The following FKBP5 variants were observed in gnomAD, a reference collection of about 807,000 sequenced individuals.
The protein encoded by FKBP5 is FKBP prolyl isomerase 5.
FKBP5 carries 23 observed loss-of-function variants against 50.5 expected under a neutral mutation model. The ratio of observed to expected loss-of-function variants is 0.46; its 90% CI spans 0.33 to 0.65. FKBP5 has a LOEUF of 0.65. Ranked by LOEUF, FKBP5 falls within the 30% of genes least tolerant of loss-of-function variation. The probability of loss-of-function intolerance (pLI) is 0.02; values close to 1 mark genes in which losing one functional copy is unlikely to be tolerated. For synonymous variants in FKBP5, 176 were observed against 190.6 expected (o/e 0.92, Z 0.63); for missense variants, 411 against 553.1 (o/e 0.74, Z 2.58).
chr6:35,691,015 T>G (rs184238108), upstream of FKBP5, among the ~76,000 whole-genome samples: 1 of 150,124 alleles, frequency 6.7e-6, no homozygotes, highest in Admixed American at 6.7e-5. Context: ...TCAAAAAAAA[T>G]AATAATAAAT....
chr6:35,649,168 G>A (rs1299141898), intron 1 of FKBP5, among the ~76,000 whole-genome samples: 2 of 148,706 alleles, frequency 1.3e-5, no homozygotes, highest in East Asian at 2.0e-4. Flanking sequence ...GAAGAATGGC[G>A]TGAACCCGGG....
At chr6:35,645,647 T>C (rs768438543) in intron 1 of FKBP5, among the ~76,000 whole-genome samples, 36 of 152,228 alleles carry the variant, frequency 2.4e-4, no homozygotes, top group African/African-American at 6.3e-4. Context: ...TATAGTATTA[T>C]GGTTTTATGC....
chr6:35,683,629 C>T (rs1765742281), intron 1 of FKBP5, among the ~76,000 whole-genome samples: 1 of 134,376 alleles, frequency 7.4e-6, no homozygotes, highest in African/African-American at 2.7e-5. Context: ...CCATGACTGG[C>T]TAATTTTTTT....
chr6:35,622,576 G>A (rs1763879048), intron 3 of FKBP5, among the ~76,000 whole-genome samples: 1 of 151,862 alleles, frequency 6.6e-6, no homozygotes, highest in Non-Finnish European at 1.5e-5. Flanking sequence ...GAGATGGAAA[G>A]TGAAAGCTGA....
intron 5 of FKBP5, among the ~76,000 whole-genome samples, chr6:35,609,382 CA>C (rs993506014): frequency 1.3e-5 from 2 of 152,116 alleles, no homozygotes; most frequent in African/African-American, 4.8e-5. Flanking sequence ...AGACAATGAT[CA>C]AAAGCATTGT....
chr6:35,646,849 A>G (rs933454731), intron 1 of FKBP5, among the ~76,000 whole-genome samples: 6 of 152,322 alleles, frequency 3.9e-5, no homozygotes, highest in Admixed American at 3.9e-4. Context: ...GTCAGCAAAC[A>G]CCTGAGACAT....
At chr6:35,585,962 T>G in intron 8 of FKBP5, 2 of 984,586 alleles carry the variant, frequency 2.0e-6, no homozygotes, top group Non-Finnish European at 2.4e-6. Flanking sequence ...GGTTGTAACT[T>G]AATAATAGCA....
chr6:35,637,576 G>A (rs1764353755), intron 2 of FKBP5, among the ~76,000 whole-genome samples: 1 of 147,426 alleles, frequency 6.8e-6, no homozygotes. Flanking sequence ...CAATTCTCCT[G>A]CCTCAGCCTC....
chr6:35,634,393 ACTG>A (rs1764248348), intron 3 of FKBP5, among the ~76,000 whole-genome samples: 1 of 152,218 alleles, frequency 6.6e-6, no homozygotes, highest in Admixed American at 6.5e-5. Context: ...TTTGATTTTT[ACTG>A]CTATCTTATT....
chr6:35,670,798 G>T (rs1215525050), intron 1 of FKBP5, among the ~76,000 whole-genome samples: 2 of 151,586 alleles, frequency 1.3e-5, no homozygotes, highest in Non-Finnish European at 2.9e-5. Flanking sequence ...GTCATTAGCT[G>T]CAGAGTAGAC....
intron 5 of FKBP5, among the ~76,000 whole-genome samples, chr6:35,615,322 G>T (rs1309468925): frequency 1.3e-5 from 2 of 152,048 alleles, no homozygotes; most frequent in African/African-American, 4.8e-5. Context: ...CTCAGATCTT[G>T]GTTTCTAAAT....
chr6:35,600,308 C>T (rs1033759374), intron 5 of FKBP5, among the ~76,000 whole-genome samples: 2 of 151,954 alleles, frequency 1.3e-5, no homozygotes, highest in Admixed American at 1.3e-4. Flanking sequence ...GTCCCAGCTA[C>T]TCGAGAGGCT....
intron 1 of FKBP5, among the ~76,000 whole-genome samples, chr6:35,668,567 A>G (rs2151003364): frequency 6.6e-6 from 1 of 152,306 alleles, no homozygotes; most frequent in Non-Finnish European, 1.5e-5. Flanking sequence ...TGTGACTACA[A>G]TTTCATATCA....
At chr6:35,708,725 G>T (rs1766364664) in intron 2 of FKBP5, among the ~76,000 whole-genome samples, 2 of 152,068 alleles carry the variant, frequency 1.3e-5, no homozygotes, top group South Asian at 4.1e-4. Context: ...CTCCTTTGCT[G>T]GTAGGTGTGC....
Position 35,587,197 on chromosome 6 carries a change from A to G in FKBP5, c.757-80T>C, listed in dbSNP as rs1762627952. 6.2e-6 allele frequency: 8 copies of G among 1,281,300 alleles called. No homozygotes were observed. The Admixed American group carries it at 1.4e-4, about 23-fold the overall frequency. The allele number at this position is 1,281,300 out of a possible 1,614,324, so 79.4% of individuals were successfully genotyped here. On this transcript the variant is annotated intron_variant, in intron 7 of 10. Coordinates refer to ENST00000357266, the MANE Select transcript of FKBP5 (RefSeq NM_004117.4). The stretch of plus-strand genomic sequence containing the variant: ...AGGCCTATTGGAACAAAGAGCAGCT[A>G]ATTCTAGAAGATACTCCAAACTGAA...
At chr6:35,582,886 G>T in intron 8 of FKBP5, 1 of 945,620 alleles carries the variant, frequency 1.1e-6, no homozygotes. Flanking sequence ...ATAAAGGTTT[G>T]TTGAGTAAAT....
At chr6:35,630,191 A>C (rs190554957) in intron 3 of FKBP5, among the ~76,000 whole-genome samples, 1 of 151,642 alleles carries the variant, frequency 6.6e-6, no homozygotes, top group South Asian at 2.1e-4. Context: ...AGAGAGAGAG[A>C]GCGAGCGAAC....
intron 1 of FKBP5, among the ~76,000 whole-genome samples, chr6:35,645,921 G>C (rs530971256): frequency 6.6e-6 from 1 of 152,276 alleles, no homozygotes; most frequent in South Asian, 2.1e-4. Context: ...TTTGAGACCA[G>C]CCTGGCCAAC....
chr6:35,575,664 C>T lies in FKBP5; in HGVS notation c.*171G>A, dbSNP rs775674977. The T allele has an allele frequency of 4.4e-5, 27 of 611,310 alleles. No individual in the cohort carries two copies. Among genetic ancestry groups the T allele is most frequent in the Admixed American group, 2.5e-4 (9 of 36,272 alleles). The allele number at this position is 611,310 out of a possible 1,614,324, so 37.9% of individuals were successfully genotyped here. On this transcript the variant is annotated 3_prime_UTR_variant, in exon 11 of 11. Transcript: ENST00000357266. ...CCGTGCCACCCCTCAGTGAACCCTC[C>T]GGGCAGCAGCAGGGGGGCTGTTTTT...
Sources: allele counts gnomAD v4.1 joint callset (sites outside exome capture counted in the v4.1 genomes callset), GRCh38; gene constraint gnomAD v4.1.1; transcripts MANE v1.5; gene names NCBI Gene and HGNC (gene_info 2026-07-23, HGNC 2026-07-21).